LMBRD2: variants seen among roughly 807,000 people sequenced by gnomAD.
LMBRD2 encodes G protein-coupled receptor-associated protein LMBRD2.
LMBRD2 carries 55 observed loss-of-function variants against 94.4 expected under a neutral mutation model. That is an observed-to-expected ratio of 0.58 (90% CI 0.47 to 0.73). The LOEUF (loss-of-function observed/expected upper bound fraction) is 0.73. Among genes scored for constraint, LMBRD2 ranks in the 30% least tolerant of loss-of-function variants. The pLI, the probability that LMBRD2 is intolerant of heterozygous loss-of-function variation, is 0.00. For synonymous variants in LMBRD2, 246 were observed against 272.4 expected, an observed-to-expected ratio of 0.90 and a Z score of 0.95; for missense variants, 640 against 831.9, an observed-to-expected ratio of 0.77 and a Z score of 2.84.
In LMBRD2 at chr5:36,103,766, C is replaced by T. The variant is rs1743399495; in HGVS notation, c.*280G>A. The T allele has an allele frequency of 9.5e-6, 2 of 209,968 alleles. No homozygotes were observed. Among genetic ancestry groups the T allele is most frequent in the Admixed American group, 5.6e-5 (1 of 17,956 alleles). The allele number at this position is 209,968 out of a possible 1,614,324, so 13.0% of individuals were successfully genotyped here. A position where few individuals can be genotyped will look rare whatever the true frequency, so the allele number is the denominator to read the frequency against. On this transcript the variant is annotated 3_prime_UTR_variant, in exon 18 of 18. Transcript: ENST00000296603. ...TCTGAAACAAACTGAACTGCATGTT[C>T]TTAACATATGTTGATCTTTCTTAAA...
Position 36,109,261 on chromosome 5 carries a change from C to T in LMBRD2, c.1792-622G>A, listed in dbSNP as rs147745018. On this transcript the variant is annotated intron_variant, in intron 15 of 17. Coordinates refer to ENST00000296603, the MANE Select transcript of LMBRD2 (RefSeq NM_001007527.2). ...TAGATAGCATGTAATTTCCTATGTC[C>T]GAGAAGCCTATTGCAATTCTGGTAA... Among the ~76,000 whole-genome samples, 11 of 152,096 alleles carry T rather than the reference C, an allele frequency of 7.2e-5. No individual in the cohort carries two copies. The East Asian group carries it at 1.5e-3, about 21-fold the overall frequency.
chr5:36,098,910 T>C lies in LMBRD2; in HGVS notation c.*5136A>G, dbSNP rs1173702325. 6.6e-6 allele frequency: 1 copy of C among 152,100 alleles called. No homozygotes were observed. The highest frequency in any genetic ancestry group is 2.4e-5 in the African/African-American group (1 of 41,450). 9.4% of individuals were successfully genotyped at this position (152,100 alleles called of 1,614,324 possible). A position where few individuals can be genotyped will look rare whatever the true frequency, so the allele number is the denominator to read the frequency against. ...TGGCAATGGCTAACTAAAGATAAACTTGGCATCATGCACCAAAAATGACCA... is the reference window on the plus strand; with the variant it reads ...TGGCAATGGCTAACTAAAGATAAACCTGGCATCATGCACCAAAAATGACCA... On this transcript the variant is annotated 3_prime_UTR_variant, in exon 18 of 18. Transcript: ENST00000296603.
At position 36,111,330 on chromosome 5, in the gene LMBRD2, A is replaced by G. The variant is rs1054260801; in HGVS notation, c.1641-72T>C. 3.0e-6 allele frequency: 3 copies of G among 1,014,252 alleles called. No individual in the cohort carries two copies. The African/African-American group carries it at 4.8e-5, about 16-fold the overall frequency. The allele number at this position is 1,014,252 out of a possible 1,614,324, so 62.8% of individuals were successfully genotyped here. A position where few individuals can be genotyped will look rare whatever the true frequency, so the allele number is the denominator to read the frequency against. On this transcript the variant is annotated intron_variant, in intron 13 of 17. Coordinates refer to ENST00000296603, the MANE Select transcript of LMBRD2 (RefSeq NM_001007527.2). The stretch of plus-strand genomic sequence containing the variant: ...TAAATATTTAGATGAATTGTTCTTT[A>G]GCATTGTCACTCCAAAAGAAGACTA...
chr5:36,122,786 C>A, intron 8 of LMBRD2, 62 bp downstream of exon 8: 1 of 1,512,798 alleles, frequency 6.6e-7, no homozygotes, highest in South Asian at 1.3e-5. Context: ...TTTTTATGAG[C>A]AATGATTAGA....
intron 6 of LMBRD2, among the ~76,000 whole-genome samples, chr5:36,135,835 G>T (rs1744258318): frequency 6.6e-6 from 1 of 152,134 alleles, no homozygotes; most frequent in African/African-American, 2.4e-5. Context: ...GTCTTATTAA[G>T]ATTACAGATA....
intron 16 of LMBRD2, 135 bp from the exon 17 acceptor site, chr5:36,105,332 A>C: frequency 1.3e-6 from 1 of 755,042 alleles, no homozygotes; most frequent in Admixed American, 2.6e-5. Context: ...AGATAACTAC[A>C]TGGTTCCTTA....
intron 13 of LMBRD2, among the ~76,000 whole-genome samples, chr5:36,114,207 A>C (rs1035752204): frequency 2.6e-5 from 4 of 152,130 alleles, no homozygotes; most frequent in Non-Finnish European, 5.9e-5. Flanking sequence ...AGTATTATTT[A>C]TTATAATAGA....
At chr5:36,134,687 A>G (rs1195199928) in intron 6 of LMBRD2, among the ~76,000 whole-genome samples, 2 of 152,140 alleles carry the variant, frequency 1.3e-5, no homozygotes, top group East Asian at 3.9e-4. Flanking sequence ...TTTTCCCTAG[A>G]ACCCTCAGAA....
At chr5:36,124,393 T>C (rs775908705) in intron 6 of LMBRD2, 128 bp from the exon 7 acceptor site, 59 of 548,056 alleles carry the variant, frequency 1.1e-4, no homozygotes, top group South Asian at 5.2e-4. Context: ...TTGCATTACA[T>C]GAATAAAGGT....
At chr5:36,135,094 G>T (rs559983919) in intron 6 of LMBRD2, among the ~76,000 whole-genome samples, 2 of 152,214 alleles carry the variant, frequency 1.3e-5, no homozygotes, top group African/African-American at 4.8e-5. Flanking sequence ...AGTTGCAATA[G>T]AAATGACATT....
At chr5:36,123,525 T>C (rs1743934908) in intron 7 of LMBRD2, among the ~76,000 whole-genome samples, 1 of 151,974 alleles carries the variant, frequency 6.6e-6, no homozygotes, top group African/African-American at 2.4e-5. Context: ...AACAGAACAC[T>C]ACACAAGAAT....
At chr5:36,121,244 A>G (rs1173473552) in intron 9 of LMBRD2, among the ~76,000 whole-genome samples, 1 of 152,230 alleles carries the variant, frequency 6.6e-6, no homozygotes, top group African/African-American at 2.4e-5. Context: ...ATGTACCCAA[A>G]TATTTGTTGA....
At chr5:36,110,457 T>C (rs1307016940) in intron 14 of LMBRD2, among the ~76,000 whole-genome samples, 1 of 152,050 alleles carries the variant, frequency 6.6e-6, no homozygotes, top group Admixed American at 6.6e-5. Context: ...ATCAGTCTTA[T>C]TCTTAAAAAT....
Position 36,108,536 on chromosome 5 carries a change from C to G in LMBRD2, c.1895G>C (p.Arg632Pro). The G allele has an allele frequency of 2.0e-6, 3 of 1,508,166 alleles. No individual in the cohort carries two copies. Among genetic ancestry groups the G allele is most frequent in the Non-Finnish European group, 2.7e-6 (3 of 1,100,332 alleles). 93.4% of individuals were successfully genotyped at this position (1,508,166 alleles called of 1,614,324 possible). A position where few individuals can be genotyped will look rare whatever the true frequency, so the allele number is the denominator to read the frequency against. ...ESNFSDVNTN[R>P]SAFKYTRANN... ...GAACTAGAAGATAAACTACTTACAA[C>G]GGTTGGTATTAACATCTGAGAAGTT... The change falls in exon 16 of 18, where the codon CGT (arginine) becomes CCT (proline). Residue 632 changes from arginine to proline, a missense_variant and splice_region_variant. Arg to Pro is a moderately radical substitution (Grantham distance 103, BLOSUM62 -2). Around this residue, in one of 2 missense-constraint regions of LMBRD2, gnomAD observed 183 missense variants for 189.1 expected, o/e 0.97. Coordinates refer to ENST00000296603, the MANE Select transcript of LMBRD2 (RefSeq NM_001007527.2).
chr5:36,112,310 T>C (rs778534759), intron 13 of LMBRD2, among the ~76,000 whole-genome samples: 1 of 152,170 alleles, frequency 6.6e-6, no homozygotes, highest in African/African-American at 2.4e-5. Flanking sequence ...TACTCCGGGA[T>C]GAGAAGCTCA....
intron 4 of LMBRD2, among the ~76,000 whole-genome samples, chr5:36,138,990 TG>T (rs1263685995): frequency 6.6e-6 from 1 of 152,094 alleles, no homozygotes; most frequent in East Asian, 1.9e-4. Context: ...GTGCACTCCA[TG>T]GAGCTAGCAG....
intron 9 of LMBRD2, 130 bp downstream of exon 9, chr5:36,122,150 T>C (rs938753860): frequency 3.3e-6 from 2 of 612,538 alleles, no homozygotes; most frequent in African/African-American, 1.9e-5. Context: ...TGTTACCAGA[T>C]ACTTAATATC....
At chr5:36,145,123 T>G (rs992112096) in intron 1 of LMBRD2, among the ~76,000 whole-genome samples, 1 of 152,214 alleles carries the variant, frequency 6.6e-6, no homozygotes, top group African/African-American at 2.4e-5. Flanking sequence ...CCATACTATA[T>G]TCCAGTTGTC....
chr5:36,146,549 ATT>A (rs1271626370), intron 1 of LMBRD2, among the ~76,000 whole-genome samples: 3 of 151,970 alleles, frequency 2.0e-5, no homozygotes, highest in African/African-American at 7.3e-5. Flanking sequence ...TTAAAAAAAA[ATT>A]TTTTTTGTAG....
Sources: gnomAD v4.1 joint callset for allele counts (sites outside exome capture counted in the v4.1 genomes callset) on GRCh38, gnomAD v4.1.1 for gene constraint, gnomAD v4.1.1 regional missense constraint, MANE v1.5 for transcripts, NCBI Gene and HGNC (gene_info 2026-07-23, HGNC 2026-07-21) for gene names.